Variants in UNC13A observed in about 807,000 individuals in gnomAD.
The protein encoded by UNC13A is unc-13 homolog A.
UNC13A carries 61 observed loss-of-function variants against 219.7 expected under a neutral mutation model. That is an observed-to-expected ratio of 0.28 (90% CI 0.23 to 0.34). UNC13A has a LOEUF of 0.34. UNC13A is among the 10% of genes least tolerant of loss of function. The pLI is 1.00. For missense variants in UNC13A, 1,476 were observed against 2,270.3 expected (o/e 0.65, Z 7.11); for synonymous variants, 920 against 884.6 (o/e 1.04, Z -0.71).
At chr19:17,666,786 C>A (rs74180831) in intron 6 of UNC13A, 82 bp from the exon 7 acceptor site, 48,900 of 1,125,012 alleles carry the variant, frequency 0.043, 1,241 homozygotes, top group Middle Eastern at 0.062. Flanking sequence ...TGTTCTGTCC[C>A]ATCCCGACTT....
Sources: gnomAD v4.1 joint callset for allele counts on GRCh38, gnomAD v4.1.1 for gene constraint, MANE v1.5 for transcripts, NCBI Gene and HGNC (gene_info 2026-07-23, HGNC 2026-07-21) for gene names.